The following TENM3 variants were observed in gnomAD, a reference collection of about 807,000 sequenced individuals.
TENM3 encodes the protein teneurin-3.
TENM3 carries 63 observed loss-of-function variants against 255.1 expected under a neutral mutation model. That is an observed-to-expected ratio of 0.25 (90% CI 0.20 to 0.30). The LOEUF is 0.30. Among genes scored for constraint, TENM3 ranks in the 10% least tolerant of loss-of-function variants. The pLI is 1.00. For synonymous variants in TENM3, 1,306 were observed against 1,322.3 expected (o/e 0.99, Z 0.27); for missense variants, 2,929 against 3,461.1 (o/e 0.85, Z 3.86).
intron 1 of TENM3, among the ~76,000 whole-genome samples, chr4:182,217,151 G>A (rs1359381115): frequency 4.0e-5 from 6 of 150,548 alleles, no homozygotes. Flanking sequence ...CTCCCGAGCA[G>A]CTGGGATTAC....
At chr4:182,696,596 A>G (rs924331527) in intron 12 of TENM3, among the ~76,000 whole-genome samples, 1 of 152,078 alleles carries the variant, frequency 6.6e-6, no homozygotes. Flanking sequence ...GTGGTGGTGC[A>G]CGCCTGTAAT....
the TENM3 span, among the ~76,000 whole-genome samples, chr4:181,855,720 AT>A: frequency 6.6e-6 from 1 of 152,170 alleles, no homozygotes; most frequent in Non-Finnish European, 1.5e-5. Context: ...TCAAATCTTT[AT>A]GTGACTAGTA....
chr4:181,935,464 G>A, the TENM3 span, among the ~76,000 whole-genome samples: 6 of 152,324 alleles, frequency 3.9e-5, no homozygotes, highest in South Asian at 1.2e-3. Flanking sequence ...CTACTTTCTA[G>A]AGGATGTCCT....
At chr4:182,768,307 G>T (rs974183927) in intron 22 of TENM3, among the ~76,000 whole-genome samples, 7 of 152,208 alleles carry the variant, frequency 4.6e-5, no homozygotes, top group African/African-American at 1.7e-4. Flanking sequence ...TTGTCAAGTT[G>T]TAAAGAAAGT....
At chr4:182,673,900 A>G (rs1294318747) in intron 7 of TENM3, among the ~76,000 whole-genome samples, 1 of 152,214 alleles carries the variant, frequency 6.6e-6, no homozygotes, top group Non-Finnish European at 1.5e-5. Context: ...ACTGCTGGCA[A>G]TTCCACAGCC....
the TENM3 span, among the ~76,000 whole-genome samples, chr4:181,766,385 G>A: frequency 2.0e-5 from 3 of 152,034 alleles, no homozygotes; most frequent in Non-Finnish European, 4.4e-5. Flanking sequence ...GGGAGTAGGG[G>A]CTTAAGTAAC....
At chr4:181,977,339 T>C in the TENM3 span, among the ~76,000 whole-genome samples, 11 of 152,320 alleles carry the variant, frequency 7.2e-5, no homozygotes, top group African/African-American at 2.6e-4. Flanking sequence ...TGTATGTAAA[T>C]TAAGTAAGTT....
intron 1 of TENM3, among the ~76,000 whole-genome samples, chr4:182,146,531 C>CT: frequency 2.0e-5 from 3 of 152,090 alleles, no homozygotes; most frequent in Middle Eastern, 6.8e-3. Context: ...CAATCTTGTT[C>CT]TTTTTTTCTT....
At chr4:181,484,874 A>G in the TENM3 span, among the ~76,000 whole-genome samples, 1 of 152,146 alleles carries the variant, frequency 6.6e-6, no homozygotes, top group Non-Finnish European at 1.5e-5. Context: ...ATGATTACCT[A>G]CCTCTGTTAA....
chr4:181,510,710 C>A, the TENM3 span, among the ~76,000 whole-genome samples: 25 of 152,310 alleles, frequency 1.6e-4, no homozygotes, highest in East Asian at 4.3e-3. Flanking sequence ...TGAAAGGTAA[C>A]ACGCAGCCAA....
rs989764414 is a variant in TENM3, at chr4:182,368,803, T to C, written c.511+21874T>C. Among the ~76,000 whole-genome samples the C allele has an allele frequency of 2.6e-5, 4 of 152,290 alleles. No individual in the cohort carries two copies. In the East Asian group the frequency reaches 7.7e-4, roughly 29 times the overall value. ...CAGATTGCAAGTAGCTTGTACGGCA[T>C]GTGCAGCCCATCTGTAGTTGACAGC... On this transcript the variant is annotated intron_variant, in intron 3 of 27. Transcript: ENST00000511685.
At position 182,754,209 on chromosome 4, in the gene TENM3, G is replaced by T. The variant is rs575167729; in HGVS notation, c.4018-176G>T. The stretch of plus-strand genomic sequence containing the variant: ...ATTTTAAAATAAAGTGTTATTTCCT[G>T]TATCTATCTTCATTCATTACTTTTT... On this transcript the variant is annotated intron_variant, in intron 21 of 27. Transcript: ENST00000511685. This position sits in a 1 kb window ranked among gnomAD's most constrained non-coding sequence, Gnocchi z 5.1. Among the ~76,000 whole-genome samples, 1 of 152,118 alleles carries T rather than the reference G, an allele frequency of 6.6e-6. No homozygotes were observed. Among genetic ancestry groups the T allele is most frequent in the Non-Finnish European group, 1.5e-5 (1 of 68,014 alleles).
chr4:181,463,165 C>A, the TENM3 span, among the ~76,000 whole-genome samples: 1 of 152,184 alleles, frequency 6.6e-6, no homozygotes, highest in East Asian at 1.9e-4. Context: ...ACCCATGGCC[C>A]TTTTTTATGC....
At chr4:182,745,001 C>A (rs1375306729) in intron 19 of TENM3, among the ~76,000 whole-genome samples, 4 of 151,572 alleles carry the variant, frequency 2.6e-5, no homozygotes, top group African/African-American at 7.3e-5. Context: ...AAAAGCTAGA[C>A]AGGTTAGACA....
At chr4:182,031,573 T>C in the TENM3 span, among the ~76,000 whole-genome samples, 1 of 152,204 alleles carries the variant, frequency 6.6e-6, no homozygotes, top group Non-Finnish European at 1.5e-5. Flanking sequence ...AAAGTAGTTT[T>C]TCTAATTCTG....
the TENM3 span, among the ~76,000 whole-genome samples, chr4:181,715,199 C>A: frequency 6.6e-6 from 1 of 152,190 alleles, no homozygotes; most frequent in Non-Finnish European, 1.5e-5. Context: ...ATGTCGGTCA[C>A]CTCAGCAGTA....
chr4:181,487,296 G>A, the TENM3 span, among the ~76,000 whole-genome samples: 1 of 152,062 alleles, frequency 6.6e-6, no homozygotes, highest in African/African-American at 2.4e-5. Flanking sequence ...CTCTAATGCC[G>A]GCACGCCTAT....
the TENM3 span, among the ~76,000 whole-genome samples, chr4:181,581,728 C>CTTT: frequency 1.2e-3 from 165 of 139,220 alleles, no homozygotes; most frequent in African/African-American, 4.2e-3. Flanking sequence ...TTCCGCTTTA[C>CTTT]TTTTTTTTTT....
the TENM3 span, among the ~76,000 whole-genome samples, chr4:181,621,956 A>C: frequency 2.0e-5 from 3 of 152,218 alleles, no homozygotes; most frequent in Non-Finnish European, 4.4e-5. Flanking sequence ...GATACCTTCC[A>C]AGTTAATTCA....
Sources: gnomAD v4.1 joint callset for allele counts (sites outside exome capture counted in the v4.1 genomes callset) on GRCh38, gnomAD v4.1.1 for gene constraint, Gnocchi (gnomAD v3.1) non-coding constraint, MANE v1.5 for transcripts, NCBI Gene and HGNC (gene_info 2026-07-23, HGNC 2026-07-21) for gene names.